FAM227A: variants seen among roughly 807,000 people sequenced by gnomAD.
FAM227A encodes the protein family with sequence similarity 227 member A.
FAM227A carries 80 observed loss-of-function variants against 74.7 expected under a neutral mutation model. The observed-to-expected ratio is 1.07, with a 90% CI of 0.89 to 1.29. The LOEUF (loss-of-function observed/expected upper bound fraction) is 1.29, where lower values mean the gene tolerates loss of function less well. FAM227A is among the 50% of genes most tolerant of loss of function. The pLI is 0.00. For synonymous variants in FAM227A, 237 were observed against 241.8 expected (o/e 0.98, Z 0.19); for missense variants, 654 against 683.4 (o/e 0.96, Z 0.48).
chr22:38,623,451 G>A (rs2091734687), intron 9 of FAM227A, among the ~76,000 whole-genome samples, 172 bp from the exon 10 acceptor site: 1 of 152,186 alleles, frequency 6.6e-6, no homozygotes, highest in Non-Finnish European at 1.5e-5. Flanking sequence ...GAGTGAAAAT[G>A]GACGCTTCTG....
chr22:38,625,694 C>G (rs764669170), intron 9 of FAM227A, among the ~76,000 whole-genome samples: 9 of 152,040 alleles, frequency 5.9e-5, no homozygotes, highest in Non-Finnish European at 8.8e-5. Context: ...GCCTGTAATC[C>G]CAGCACTTTG....
intron 3 of FAM227A, among the ~76,000 whole-genome samples, chr22:38,644,843 T>C (rs1406773251): frequency 6.6e-6 from 1 of 151,918 alleles, no homozygotes; most frequent in Non-Finnish European, 1.5e-5. Flanking sequence ...ATCCCAGCAC[T>C]TTGAGAGACT....
At chr22:38,592,738 A>C (rs888856319) in intron 15 of FAM227A, among the ~76,000 whole-genome samples, 2 of 152,174 alleles carry the variant, frequency 1.3e-5, no homozygotes, top group African/African-American at 4.8e-5. Context: ...AATTGTAATA[A>C]ATTTTAGCCA....
intron 13 of FAM227A, among the ~76,000 whole-genome samples, chr22:38,604,041 A>T (rs1462985455): frequency 6.6e-6 from 1 of 152,124 alleles, no homozygotes; most frequent in Non-Finnish European, 1.5e-5. Flanking sequence ...AAGTCAAAAG[A>T]TTAGCCCAGG....
At position 38,589,605 on chromosome 22, in the gene FAM227A, T is replaced by C. The variant is rs1021084099; in HGVS notation, c.1638+1830A>G. 5.9e-5 allele frequency among the ~76,000 whole-genome samples: 9 copies of C among 152,292 alleles called. No individual in the cohort carries two copies. In the East Asian group the frequency reaches 1.5e-3, roughly 26 times the overall value. ...AAAGGACTCATACCAAGGTATATCA[T>C]TGTGAAACTTCAGGATACTAAGAAT... On this transcript the variant is annotated intron_variant, in intron 16 of 16. Transcript: ENST00000535113.
chr22:38,626,140 C>A, intron 9 of FAM227A, 40 bp downstream of exon 9: 2 of 1,545,634 alleles, frequency 1.3e-6, no homozygotes, highest in Non-Finnish European at 1.7e-6. Flanking sequence ...AAACATTTTT[C>A]TAGAATCGCT....
intron 11 of FAM227A, among the ~76,000 whole-genome samples, chr22:38,619,313 CTTATTTAT>C (rs377131481): frequency 4.6e-5 from 7 of 151,616 alleles, no homozygotes; most frequent in South Asian, 2.1e-4. Context: ...GAAGTAGGAT[CTTATTTAT>C]TTATTTATTT....
rs547560980 is a variant in FAM227A, at chr22:38,610,467, C to A, written c.1039-2991G>T. Among the ~76,000 whole-genome samples, 3 of 152,326 alleles carry A rather than the reference C, an allele frequency of 2.0e-5. No homozygotes were observed. The South Asian group carries it at 6.2e-4, about 32-fold the overall frequency. ...CTTGCTGATGCAGAGAGAGCTCAGA[C>A]TGACAGTGTCCTGACATCAGCTGAG... On this transcript the variant is annotated intron_variant, in intron 11 of 16. Transcript: ENST00000535113.
intron 11 of FAM227A, among the ~76,000 whole-genome samples, chr22:38,613,288 ATATAT>A (rs2091483104): frequency 1.2e-5 from 1 of 84,026 alleles, no homozygotes; most frequent in Non-Finnish European, 2.1e-5. Flanking sequence ...ATCATATATA[ATATAT>A]ATCATATATA....
chr22:38,602,813 G>A (rs1228395426), intron 13 of FAM227A, among the ~76,000 whole-genome samples: 2 of 152,154 alleles, frequency 1.3e-5, no homozygotes, highest in Non-Finnish European at 2.9e-5. Context: ...TGACTCTGGT[G>A]TGTTTTTGAG....
intron 10 of FAM227A, among the ~76,000 whole-genome samples, chr22:38,620,556 C>T (rs1473289672): frequency 1.3e-5 from 2 of 152,088 alleles, no homozygotes; most frequent in East Asian, 1.9e-4. Context: ...GTAATCCCAG[C>T]ACTTTGGGAG....
At chr22:38,637,367 T>C (rs887681839) in intron 5 of FAM227A, among the ~76,000 whole-genome samples, 3 of 152,226 alleles carry the variant, frequency 2.0e-5, no homozygotes, top group African/African-American at 7.2e-5. Flanking sequence ...CCCCTCCCTT[T>C]GGGGTTATTT....
rs956867254 is a variant in FAM227A at position 38,626,401 on chromosome 22, TTTGTTG to T, written c.727-104_727-99del. ...GGACTTTCTTTTTTTATATATAGTT[TTTGTTG>T]TTGTTGTTGTTTAGAGACAAGGTTC... is the stretch of plus-strand genomic sequence containing the variant. On this transcript the variant is annotated intron_variant, in intron 8 of 16. Transcript: ENST00000535113. The T allele has an allele frequency of 2.7e-5, 38 of 1,387,544 alleles. No homozygotes were observed. The South Asian group carries it at 3.5e-4, about 13-fold the overall frequency. 86.0% of individuals were successfully genotyped at this position (1,387,544 alleles called of 1,614,324 possible).
chr22:38,586,193 TC>T lies in FAM227A; in HGVS notation c.1644del (p.Gly550GlufsTer49). 1 of 1,550,884 alleles carries T rather than the reference TC, an allele frequency of 6.4e-7. No individual in the cohort carries two copies. The highest frequency in any genetic ancestry group is 2.4e-5 in the East Asian group (1 of 40,926). ...TCTCTTCTCTTTCCCTCTCCTCCTT[TC>T]CCCTCCTGTGGGGGAAACAAACGAA... is the stretch of plus-strand genomic sequence containing the variant. The part of the protein sequence containing the change: ...EESPDKKTKE[G>X]KGGEGKRRET... On this transcript the variant is annotated frameshift_variant, in exon 17 of 17. Coordinates refer to ENST00000535113, the MANE Select transcript of FAM227A (RefSeq NM_001013647.2). LOFTEE classifies it low-confidence loss of function (END_TRUNC).
chr22:38,622,727 T>C (rs1396702617), intron 10 of FAM227A, among the ~76,000 whole-genome samples: 2 of 151,510 alleles, frequency 1.3e-5, no homozygotes, highest in South Asian at 2.1e-4. Context: ...AATACAAAAA[T>C]TAGCTGGGCG....
chr22:38,648,982 A>G (rs1462993798), intron 2 of FAM227A, among the ~76,000 whole-genome samples: 2 of 152,040 alleles, frequency 1.3e-5, no homozygotes, highest in Non-Finnish European at 2.9e-5. Flanking sequence ...AAAAAAAAAA[A>G]AAAGAAAAAG....
intron 16 of FAM227A, among the ~76,000 whole-genome samples, chr22:38,589,741 T>A: frequency 6.6e-6 from 1 of 152,018 alleles, no homozygotes; most frequent in East Asian, 1.9e-4. Context: ...GCAGGAAAAA[T>A]TCTCCAAAAT....
intron 13 of FAM227A, among the ~76,000 whole-genome samples, chr22:38,601,682 T>TG (rs1390221650): frequency 1.1e-4 from 17 of 152,144 alleles, no homozygotes; most frequent in Non-Finnish European, 1.3e-4. Flanking sequence ...GCCCAGGACT[T>TG]GGTGATTGCA....
intron 8 of FAM227A, among the ~76,000 whole-genome samples, chr22:38,627,517 G>A (rs897938169): frequency 1.3e-5 from 2 of 151,670 alleles, no homozygotes; most frequent in East Asian, 1.9e-4. Flanking sequence ...GCAGTGAGTC[G>A]AGATCATACT....
Sources: allele counts gnomAD v4.1 joint callset (sites outside exome capture counted in the v4.1 genomes callset), GRCh38; gene constraint gnomAD v4.1.1; transcripts MANE v1.5; gene names NCBI Gene and HGNC (gene_info 2026-07-23, HGNC 2026-07-21).